The following ENPP6 variants were observed in gnomAD, a reference collection of about 807,000 sequenced individuals.
The protein encoded by ENPP6 is ectonucleotide pyrophosphatase/phosphodiesterase 6.
ENPP6 carries 32 observed loss-of-function variants against 42.0 expected under a neutral mutation model. The observed-to-expected ratio is 0.76, with a 90% CI of 0.58 to 1.02. The LOEUF is 1.02. ENPP6 is among the 50% of genes least tolerant of loss of function. The probability of loss-of-function intolerance (pLI) is 0.00; values close to 1 mark genes in which losing one functional copy is unlikely to be tolerated. For missense variants in ENPP6, 552 were observed against 566.8 expected (o/e 0.97, Z 0.27); for synonymous variants, 213 against 216.0 (o/e 0.99, Z 0.12).
At chr4:184,190,886 T>G (rs1732704214) in intron 1 of ENPP6, among the ~76,000 whole-genome samples, 1 of 152,240 alleles carries the variant, frequency 6.6e-6, no homozygotes, top group South Asian at 2.1e-4. Flanking sequence ...GCTAAGTGTC[T>G]GATGTTGAAT....
At chr4:184,147,461 T>C (rs888129663) in intron 2 of ENPP6, among the ~76,000 whole-genome samples, 1 of 152,204 alleles carries the variant, frequency 6.6e-6, no homozygotes, top group Non-Finnish European at 1.5e-5. Flanking sequence ...AACCTTCCAG[T>C]GACTTCTCAT....
intron 2 of ENPP6, among the ~76,000 whole-genome samples, chr4:184,153,192 C>T (rs1192237064): frequency 6.7e-6 from 1 of 149,006 alleles, no homozygotes; most frequent in Non-Finnish European, 1.5e-5. Context: ...ATGGCGCAAT[C>T]TCAGCTCACC....
intron 6 of ENPP6, among the ~76,000 whole-genome samples, chr4:184,108,500 G>C (rs1440908746): frequency 6.6e-6 from 1 of 152,192 alleles, no homozygotes; most frequent in African/African-American, 2.4e-5. Context: ...GTCAAGAAAG[G>C]ATAAAGAACA....
chr4:184,117,872 A>G lies in ENPP6; in HGVS notation c.562T>C (p.Tyr188His), dbSNP rs1393203806. 5 of 1,614,086 alleles carry G rather than the reference A, an allele frequency of 3.1e-6. No individual in the cohort carries two copies. In the African/African-American group the frequency reaches 4.0e-5, roughly 13 times the overall value. ...KSGRADLAAI[Y>H]HERIDVEGHH... ...CCTTCCACGTCAATGCGCTCATGGTATATGGCTGCCAGGTCGGCCCGGCCA... is the reference window on the plus strand; with the variant it reads ...CCTTCCACGTCAATGCGCTCATGGTGTATGGCTGCCAGGTCGGCCCGGCCA... The change falls in exon 4 of 8, where the codon TAC becomes CAC. Residue 188 changes from tyrosine to histidine, a missense_variant. By Grantham distance (83) the Tyr-to-His change is moderately conservative. This residue lies in a region of ENPP6 where 545 missense variants were observed against 546.3 expected (regional missense o/e 1.00). Coordinates refer to ENST00000296741, the MANE Select transcript of ENPP6 (RefSeq NM_153343.4).
chr4:184,205,533 G>C (rs1222751814), intron 1 of ENPP6, among the ~76,000 whole-genome samples: 1 of 152,268 alleles, frequency 6.6e-6, no homozygotes, highest in Non-Finnish European at 1.5e-5. Flanking sequence ...GTGACCTATA[G>C]GGCCAGGTCT....
intron 1 of ENPP6, among the ~76,000 whole-genome samples, chr4:184,176,909 T>C (rs1465588291): frequency 6.6e-6 from 1 of 152,144 alleles, no homozygotes; most frequent in Non-Finnish European, 1.5e-5. Flanking sequence ...GAAGCTCCGT[T>C]TTTTAATCTC....
In ENPP6 at chr4:184,153,679, G is replaced by T. The variant is rs150523817; in HGVS notation, c.296C>A (p.Thr99Asn). The T allele has an allele frequency of 1.4e-3, 2,192 of 1,614,186 alleles. 2 individuals are homozygous for T. Among genetic ancestry groups the T allele is most frequent in the Non-Finnish European group, 1.5e-3 (1,748 of 1,180,028 alleles). ...GACGCCAATGTCAAAGGACTTGTTGGTGGTGGGGTCCCACATGTAGTTCCC... is the reference window on the plus strand; with the variant it reads ...GACGCCAATGTCAAAGGACTTGTTGTTGGTGGGGTCCCACATGTAGTTCCC... Reference protein sequence around the residue: ...MIGNYMWDPTTNKSFDIGVNK... With the variant: ...MIGNYMWDPTNNKSFDIGVNK... Residue 99 changes from threonine to asparagine, a missense_variant, in exon 2 of 8, where the codon ACC (threonine) becomes AAC (asparagine). Thr to Asn is a moderately conservative substitution (Grantham distance 65). Coordinates refer to ENST00000296741, the MANE Select transcript of ENPP6 (RefSeq NM_153343.4).
intron 6 of ENPP6, among the ~76,000 whole-genome samples, chr4:184,111,104 C>T (rs1736189360): frequency 6.6e-6 from 1 of 152,140 alleles, no homozygotes; most frequent in African/African-American, 2.4e-5. Flanking sequence ...CTGCACTCCC[C>T]TACCTAAGCC....
chr4:184,203,237 C>T (rs567947266), intron 1 of ENPP6, among the ~76,000 whole-genome samples: 5 of 152,240 alleles, frequency 3.3e-5, no homozygotes, highest in East Asian at 1.9e-4. Context: ...GATGATAGGA[C>T]GAGACTCTGT....
Position 184,208,764 on chromosome 4 carries a change from T to C in ENPP6, c.241+8815A>G, listed in dbSNP as rs527252836. Among the ~76,000 whole-genome samples the C allele has an allele frequency of 5.2e-4, 75 of 145,470 alleles. No homozygotes were observed. The East Asian group carries it at 0.014, about 26-fold the overall frequency. The stretch of plus-strand genomic sequence containing the variant: ...CAGCTCAAGGAGGCCTGCCTGCCTC[T>C]GTAAGCTCCACCTCTGGGGGCAGGG... On this transcript the variant is annotated intron_variant, in intron 1 of 7. Coordinates refer to ENST00000296741, the MANE Select transcript of ENPP6 (RefSeq NM_153343.4).
Position 184,124,624 on chromosome 4 carries a change from T to C in ENPP6, c.422-352A>G, listed in dbSNP as rs77267715. Reference sequence around the variant, plus strand: ...AATAGATTTTTCATGAATCTAAGTCTTTCATGAAAACAAAGTCTTCTAGTG... The same window carrying C: ...AATAGATTTTTCATGAATCTAAGTCCTTCATGAAAACAAAGTCTTCTAGTG... On this transcript the variant is annotated intron_variant, in intron 2 of 7. Coordinates refer to ENST00000296741, the MANE Select transcript of ENPP6 (RefSeq NM_153343.4). Among the ~76,000 whole-genome samples, 800 of 152,330 alleles carry C rather than the reference T, an allele frequency of 5.3e-3. 9 individuals are homozygous for C. The highest frequency in any genetic ancestry group is 0.038 in the South Asian group (182 of 4,824).
At chr4:184,124,422 TGGTG>T in intron 2 of ENPP6, 150 bp from the exon 3 acceptor site, 7 of 602,618 alleles carry the variant, frequency 1.2e-5, no homozygotes, top group Non-Finnish European at 2.0e-5. Flanking sequence ...TGCTAATAAG[TGGTG>T]TATTTAACTG....
intron 2 of ENPP6, among the ~76,000 whole-genome samples, chr4:184,137,760 C>T (rs150458712): frequency 1.3e-5 from 2 of 152,248 alleles, no homozygotes; most frequent in East Asian, 3.9e-4. Flanking sequence ...ATTTATTTTC[C>T]TTGGTGGGCC....
chr4:184,098,835 C>A (rs1304951662), intron 6 of ENPP6, among the ~76,000 whole-genome samples: 2 of 152,224 alleles, frequency 1.3e-5, no homozygotes, highest in African/African-American at 4.8e-5. Flanking sequence ...ACGGCCCATC[C>A]TTGCTAGGCA....
intron 5 of ENPP6, among the ~76,000 whole-genome samples, chr4:184,113,924 T>TTTCTTTCTTTC (rs1736263427): frequency 7.1e-6 from 1 of 140,462 alleles, no homozygotes; most frequent in East Asian, 2.0e-4. Context: ...TCTTTCTTTC[T>TTTCTTTCTTTC]TTCTTTCTTT....
chr4:184,179,450 A>G (rs1367584570), intron 1 of ENPP6, among the ~76,000 whole-genome samples: 1 of 152,212 alleles, frequency 6.6e-6, no homozygotes, highest in Admixed American at 6.5e-5. Context: ...CCCCACTGTC[A>G]ATATTGAGAC....
At chr4:184,118,645 A>G (rs1472139620) in intron 3 of ENPP6, among the ~76,000 whole-genome samples, 1 of 152,344 alleles carries the variant, frequency 6.6e-6, no homozygotes, top group South Asian at 2.1e-4. Flanking sequence ...TTAGGACCCT[A>G]TGTCTTCAAG....
rs1370357917 is a variant in ENPP6 at position 184,102,903 on chromosome 4, TG to T, written c.994-5536del. 5.3e-5 allele frequency among the ~76,000 whole-genome samples: 8 copies of T among 152,344 alleles called. No individual in the cohort carries two copies. In the East Asian group the frequency reaches 1.2e-3, roughly 22 times the overall value. On this transcript the variant is annotated intron_variant, in intron 6 of 7. Coordinates refer to ENST00000296741, the MANE Select transcript of ENPP6 (RefSeq NM_153343.4). Reference sequence around the variant, plus strand: ...GAATCTCTTCTTAATGTCCCCCAGGTGGTCGGGATGTGCAGTCAGCCATGAG... The same window carrying T: ...GAATCTCTTCTTAATGTCCCCCAGGTGTCGGGATGTGCAGTCAGCCATGAG...
intron 2 of ENPP6, among the ~76,000 whole-genome samples, chr4:184,147,529 C>G (rs986805297): frequency 3.3e-5 from 5 of 152,124 alleles, no homozygotes; most frequent in Admixed American, 2.0e-4. Flanking sequence ...GCCTGTAATC[C>G]CAGCTCTTTG....
Sources: allele counts gnomAD v4.1 joint callset (sites outside exome capture counted in the v4.1 genomes callset), GRCh38; gene constraint gnomAD v4.1.1; regional missense constraint gnomAD v4.1.1; transcripts MANE v1.5; gene names NCBI Gene and HGNC (gene_info 2026-07-23, HGNC 2026-07-21).